The following ZNF75A variants were observed in gnomAD, a reference collection of about 807,000 sequenced individuals.
The protein encoded by ZNF75A is zinc finger protein 75A.
In ZNF75A, 36 loss-of-function variants were observed where a neutral mutation model predicts 46.3. The observed-to-expected ratio is 0.78, with a 90% CI of 0.60 to 1.03. The LOEUF is 1.03. Among genes scored for constraint, ZNF75A ranks in the 50% least tolerant of loss-of-function variants. The pLI is 0.00. For synonymous variants in ZNF75A, 234 were observed against 189.9 expected, an observed-to-expected ratio of 1.23 and a Z score of -1.91; for missense variants, 595 against 551.3, an observed-to-expected ratio of 1.08 and a Z score of -0.79.
downstream of ZNF75A, among the ~76,000 whole-genome samples, chr16:3,321,089 G>A (rs2029922566): frequency 6.6e-6 from 1 of 152,110 alleles, no homozygotes; most frequent in African/African-American, 2.4e-5. Flanking sequence ...GATGAGATTG[G>A]ATTACTAAAA....
At chr16:3,322,590 C>T (rs1050527378), downstream of ZNF75A, among the ~76,000 whole-genome samples, 1 of 152,194 alleles carries the variant, frequency 6.6e-6, no homozygotes, top group African/African-American at 2.4e-5. Flanking sequence ...ATCTGAATCA[C>T]TTTTCATTTC....
chr16:3,319,794 T>A (rs895333834), downstream of ZNF75A, among the ~76,000 whole-genome samples: 6 of 108,744 alleles, frequency 5.5e-5, no homozygotes, highest in Non-Finnish European at 8.0e-5. Flanking sequence ...TTTTTTTTTT[T>A]TTATTTTTTT....
intron 1 of ZNF75A, chr16:3,307,477 A>G (rs1960378107): frequency 1.3e-5 from 2 of 152,108 alleles, no homozygotes; most frequent in South Asian, 4.1e-4. Context: ...CAGTATTCCT[A>G]CAATGGAAAA....
chr16:3,306,287 A>G (rs576706971), intron 1 of ZNF75A: 2 of 151,948 alleles, frequency 1.3e-5, no homozygotes, highest in Admixed American at 1.3e-4. Context: ...GTTGGAGTTG[A>G]TATTTCATAA....
At chr16:3,315,736 A>G (rs1488116743) in intron 5 of ZNF75A, among the ~76,000 whole-genome samples, 3 of 152,124 alleles carry the variant, frequency 2.0e-5, no homozygotes, top group Non-Finnish European at 2.9e-5. Flanking sequence ...ACCCCAACTG[A>G]TTTTTTGAAA....
At chr16:3,310,393 G>GA (rs922634990) in intron 2 of ZNF75A, among the ~76,000 whole-genome samples, 35 of 147,566 alleles carry the variant, frequency 2.4e-4, no homozygotes, top group African/African-American at 6.2e-4. Context: ...GACTCCATGT[G>GA]AAAAAAAAAA....
chr16:3,321,593 G>C (rs746997392), downstream of ZNF75A, among the ~76,000 whole-genome samples: 2 of 152,172 alleles, frequency 1.3e-5, no homozygotes, highest in Non-Finnish European at 2.9e-5. Flanking sequence ...AGCCTTCTGA[G>C]TATCTGGGAC....
chr16:3,314,267 G>C (rs1252339222), intron 5 of ZNF75A, among the ~76,000 whole-genome samples: 1 of 152,180 alleles, frequency 6.6e-6, no homozygotes, highest in Non-Finnish European at 1.5e-5. Context: ...GATGATCATA[G>C]AAACAAGAGA....
chr16:3,313,503 T>A (rs977295471), intron 5 of ZNF75A, among the ~76,000 whole-genome samples: 1 of 152,214 alleles, frequency 6.6e-6, no homozygotes, highest in Non-Finnish European at 1.5e-5. Context: ...TTTATTCTGA[T>A]CTTGTCATCA....
chr16:3,317,056 TTGA>T (rs1325732136), intron 6 of ZNF75A, 34 bp downstream of exon 6: 1 of 1,584,792 alleles, frequency 6.3e-7, no homozygotes, highest in Admixed American at 1.8e-5. Context: ...GAAATGTGCC[TTGA>T]TGTGAACTTT....
chr16:3,312,783 C>T lies in ZNF75A; in HGVS notation c.696+15C>T, dbSNP rs1960908892. ...CTGAGTCCCAGGTGAGCTGTGCTTT[C>T]CAGCTGTTGAGGGCTACCTTTCTCT... On this transcript the variant is annotated intron_variant, in intron 4 of 6. Transcript: ENST00000669516. The T allele has an allele frequency of 3.6e-6, 4 of 1,119,068 alleles. No individual in the cohort carries two copies. The highest frequency in any genetic ancestry group is 3.3e-6 in the Non-Finnish European group (3 of 912,194). 69.3% of individuals were successfully genotyped at this position (1,119,068 alleles called of 1,614,324 possible).
Position 3,317,392 on chromosome 16 carries a change from A to C in ZNF75A, c.1137A>C (p.Ser379=). ...CAGTGAAGAAAAGAAAGAAACTTTC[A>C]ACCTGGAAACAAGAGCTGCTCAAAC... ...DFPVKKRKKL[S]TWKQELLKLM... is the part of the protein sequence containing the mutation. Residue 379 remains serine, a synonymous_variant, in exon 7 of 7, where the codon TCA becomes TCC. Coordinates refer to ENST00000669516, the MANE Select transcript of ZNF75A (RefSeq NM_001302109.2). The C allele has an allele frequency of 1.2e-6, 2 of 1,614,188 alleles. No homozygotes were observed. Among genetic ancestry groups the C allele is most frequent in the Non-Finnish European group, 1.7e-6 (2 of 1,180,026 alleles).
downstream of ZNF75A, chr16:3,323,031 A>T (rs2030003366): frequency 3.2e-6 from 2 of 618,384 alleles, no homozygotes; most frequent in Admixed American, 6.3e-5. Context: ...CCATGAACCT[A>T]AGCTACTGTC....
chr16:3,314,885 C>T, intron 5 of ZNF75A: 1 of 985,344 alleles, frequency 1.0e-6, no homozygotes, highest in African/African-American at 1.7e-5. Flanking sequence ...AAAGATTCTC[C>T]CTTCTTTTTG....
In ZNF75A at chr16:3,305,576, C is replaced by G. The variant is rs1164194478; in HGVS notation, c.-184C>G. 2 of 152,312 alleles carry G rather than the reference C, an allele frequency of 1.3e-5. No homozygotes were observed. Among genetic ancestry groups the G allele is most frequent in the East Asian group, 1.9e-4 (1 of 5,176 alleles). The allele number at this position is 152,312 out of a possible 1,614,324, so 9.4% of individuals were successfully genotyped here. A position where few individuals can be genotyped will look rare whatever the true frequency, so the allele number is the denominator to read the frequency against. ...TGCGCTCCTCAGATCGGCGGCCTTTCGGGCGGTGGCTTGCGTTTGAGCCTC... is the reference window on the plus strand; with the variant it reads ...TGCGCTCCTCAGATCGGCGGCCTTTGGGGCGGTGGCTTGCGTTTGAGCCTC... On this transcript the variant is annotated 5_prime_UTR_variant, in exon 1 of 7. Transcript: ENST00000669516.
intron 2 of ZNF75A, 22 bp from the exon 3 acceptor site, chr16:3,311,731 C>G (rs1371223656): frequency 9.6e-7 from 1 of 1,044,640 alleles, no homozygotes; most frequent in Non-Finnish European, 1.2e-6. Flanking sequence ...TCTGTGGTAA[C>G]AAGGATGGGA....
At chr16:3,319,643 T>C (rs1961449655), downstream of ZNF75A, among the ~76,000 whole-genome samples, 1 of 152,074 alleles carries the variant, frequency 6.6e-6, no homozygotes, top group Non-Finnish European at 1.5e-5. Flanking sequence ...AGAGACAAAA[T>C]TGCATCCCCT....
downstream of ZNF75A, among the ~76,000 whole-genome samples, chr16:3,320,759 G>T (rs2029908634): frequency 6.6e-6 from 1 of 152,214 alleles, no homozygotes; most frequent in South Asian, 2.1e-4. Flanking sequence ...AGATTTCAAA[G>T]AATGGTTTGT....
chr16:3,317,690 ACT>A lies in ZNF75A; in HGVS notation c.1437_1438del (p.His480TyrfsTer10), dbSNP rs1479863668. 6.2e-7 allele frequency: 1 copy of A among 1,614,170 alleles called. No homozygotes were observed. Among genetic ancestry groups the A allele is most frequent in the South Asian group, 1.1e-5 (1 of 91,082 alleles). ...QNTNLHTHQR[T>X]HTGEKPFTCH... Reference sequence around the variant, plus strand: ...TACAAATTTACATACACACCAAAGAACTCATACAGGAGAAAAGCCCTTCACAT... The same window carrying A: ...TACAAATTTACATACACACCAAAGAACATACAGGAGAAAAGCCCTTCACAT... On this transcript the variant is annotated frameshift_variant, in exon 7 of 7. Transcript: ENST00000669516. LOFTEE classifies it high-confidence loss of function.
Sources: gnomAD v4.1 joint callset for allele counts (sites outside exome capture counted in the v4.1 genomes callset) on GRCh38, gnomAD v4.1.1 for gene constraint, MANE v1.5 for transcripts, NCBI Gene and HGNC (gene_info 2026-07-23, HGNC 2026-07-21) for gene names.